The following CTNNA3 variants were observed in gnomAD, a reference collection of about 807,000 sequenced individuals.
CTNNA3 encodes the protein catenin alpha-3.
In CTNNA3, 76 loss-of-function variants were observed where a neutral mutation model predicts 95.7. The ratio of observed to expected loss-of-function variants is 0.79; its 90% CI spans 0.66 to 0.96. The LOEUF is 0.96. Ranked by LOEUF, CTNNA3 falls within the 40% of genes least tolerant of loss-of-function variation. The pLI is 0.00. For missense variants in CTNNA3, 1,191 were observed against 1,089.8 expected, an observed-to-expected ratio of 1.09 and a Z score of -1.31; for synonymous variants, 431 against 374.4, an observed-to-expected ratio of 1.15 and a Z score of -1.74.
intron 1 of CTNNA3, among the ~76,000 whole-genome samples, chr10:67,662,137 G>T (rs1469860609): frequency 6.6e-6 from 1 of 152,076 alleles, no homozygotes; most frequent in African/African-American, 2.4e-5. Flanking sequence ...ATCCTTGGGG[G>T]ATATGTTCCA....
rs553227893 is a variant in CTNNA3, at chr10:66,505,168, T to C, written c.1531+15449A>G. Among the ~76,000 whole-genome samples, 4 of 152,316 alleles carry C rather than the reference T, an allele frequency of 2.6e-5. No individual in the cohort carries two copies. In the South Asian group the frequency reaches 8.3e-4, roughly 32 times the overall value. ...AGTCCTGCAGTCTACTTATTGTTTA[T>C]TCAAATGAAAGCACCTTAAGTGAAC... On this transcript the variant is annotated intron_variant, in intron 11 of 17. Coordinates refer to ENST00000433211, the MANE Select transcript of CTNNA3 (RefSeq NM_013266.4).
chr10:67,175,922 C>T (rs1445738731), intron 7 of CTNNA3, among the ~76,000 whole-genome samples: 5 of 152,210 alleles, frequency 3.3e-5, no homozygotes, highest in Non-Finnish European at 7.4e-5. Context: ...CACAGGGCCT[C>T]GTTGCTCTGC....
intron 13 of CTNNA3, among the ~76,000 whole-genome samples, chr10:66,226,059 C>T: frequency 6.6e-6 from 1 of 152,038 alleles, no homozygotes; most frequent in Middle Eastern, 3.2e-3. Flanking sequence ...TGCACAGGAG[C>T]TCTTTAGCTT....
At chr10:66,653,467 G>A (rs561699690) in intron 9 of CTNNA3, among the ~76,000 whole-genome samples, 1 of 152,010 alleles carries the variant, frequency 6.6e-6, no homozygotes, top group South Asian at 2.1e-4. Flanking sequence ...GAAGACACAA[G>A]TAGAGTTATC....
At chr10:67,492,405 T>C (rs1025897275) in intron 5 of CTNNA3, among the ~76,000 whole-genome samples, 3 of 152,162 alleles carry the variant, frequency 2.0e-5, no homozygotes, top group Admixed American at 1.3e-4. Flanking sequence ...TAAAAAATAG[T>C]ATATACAAAC....
At chr10:67,739,247 C>T (rs1425461880) in intron 1 of CTNNA3, among the ~76,000 whole-genome samples, 2 of 152,092 alleles carry the variant, frequency 1.3e-5, no homozygotes, top group Non-Finnish European at 2.9e-5. Context: ...AGAAACTCTA[C>T]AAGTCAGAAG....
At chr10:66,321,126 G>A (rs1589082562) in intron 12 of CTNNA3, among the ~76,000 whole-genome samples, 1 of 151,888 alleles carries the variant, frequency 6.6e-6, no homozygotes, top group Non-Finnish European at 1.5e-5. Flanking sequence ...AGTTTTACAT[G>A]GTAGCCCAAG....
chr10:66,039,089 TAC>T (rs2079626328), intron 15 of CTNNA3, among the ~76,000 whole-genome samples: 1 of 152,128 alleles, frequency 6.6e-6, no homozygotes, highest in South Asian at 2.1e-4. Context: ...CTAGCATTCT[TAC>T]ACACCAACAA....
At chr10:66,004,742 C>A (rs562101550) in intron 15 of CTNNA3, among the ~76,000 whole-genome samples, 44 of 152,284 alleles carry the variant, frequency 2.9e-4, no homozygotes, top group Middle Eastern at 3.4e-3. Flanking sequence ...TTGCATCACC[C>A]TAAGGAGAAA....
intron 7 of CTNNA3, among the ~76,000 whole-genome samples, chr10:66,798,790 A>G (rs532178339): frequency 6.6e-6 from 1 of 151,728 alleles, no homozygotes; most frequent in South Asian, 2.1e-4. Context: ...TAGAGGTAAA[A>G]AGTAACATTT....
intron 14 of CTNNA3, among the ~76,000 whole-genome samples, chr10:66,099,702 C>T (rs370692121): frequency 6.6e-6 from 1 of 152,118 alleles, no homozygotes; most frequent in Non-Finnish European, 1.5e-5. Context: ...AATAATTTCT[C>T]TTCAAAATTT....
At chr10:67,540,053 CA>C (rs1316565718) in intron 3 of CTNNA3, among the ~76,000 whole-genome samples, 3 of 152,032 alleles carry the variant, frequency 2.0e-5, no homozygotes, top group African/African-American at 7.2e-5. Context: ...CTTTCCAAAT[CA>C]ATGGATGTTA....
At chr10:66,983,452 A>G (rs941093588) in intron 7 of CTNNA3, among the ~76,000 whole-genome samples, 1 of 152,134 alleles carries the variant, frequency 6.6e-6, no homozygotes, top group African/African-American at 2.4e-5. Flanking sequence ...GGAAAAGAAC[A>G]AGAAACCCAC....
intron 9 of CTNNA3, among the ~76,000 whole-genome samples, chr10:66,659,364 G>A (rs1312834804): frequency 6.6e-6 from 1 of 151,230 alleles, no homozygotes; most frequent in Non-Finnish European, 1.5e-5. Context: ...GTATAAGTGA[G>A]GAAGAGAACC....
At chr10:67,422,316 T>A (rs1845773782) in intron 5 of CTNNA3, among the ~76,000 whole-genome samples, 1 of 152,114 alleles carries the variant, frequency 6.6e-6, no homozygotes, top group Non-Finnish European at 1.5e-5. Context: ...ATAACGTATG[T>A]AAGGGTAAAG....
chr10:66,511,764 T>A (rs1840670898), intron 11 of CTNNA3, among the ~76,000 whole-genome samples: 1 of 151,822 alleles, frequency 6.6e-6, no homozygotes, highest in Non-Finnish European at 1.5e-5. Flanking sequence ...TTATTTAGAG[T>A]TGTTTTGGGC....
rs760076742 is a variant in CTNNA3 at position 66,927,731 on chromosome 10, G to A, written c.1048-152207C>T. The A allele has an allele frequency of 6.2e-7, 1 of 1,614,170 alleles. No homozygotes were observed. The highest frequency in any genetic ancestry group is 8.5e-7 in the Non-Finnish European group (1 of 1,180,024). ...GAGATCGAAGCTTTCAGTGGACCCA[G>A]TGTTTTCCAGTGTGTCCCGAATCTG... On this transcript the variant is annotated intron_variant, in intron 7 of 17. Coordinates refer to ENST00000433211, the MANE Select transcript of CTNNA3 (RefSeq NM_013266.4). This position sits in a 1 kb window ranked among gnomAD's most constrained non-coding sequence, Gnocchi z 4.7.
At chr10:67,277,878 AC>A (rs1839247153) in intron 5 of CTNNA3, among the ~76,000 whole-genome samples, 1 of 152,126 alleles carries the variant, frequency 6.6e-6, no homozygotes, top group South Asian at 2.1e-4. Context: ...GGAATTGCCC[AC>A]CCCTTTCCCA....
At chr10:67,591,225 TGTCTA>T (rs1268923354) in intron 3 of CTNNA3, among the ~76,000 whole-genome samples, 1 of 152,126 alleles carries the variant, frequency 6.6e-6, no homozygotes, top group Non-Finnish European at 1.5e-5. Context: ...TAGGAAGAAA[TGTCTA>T]GCCAACATTC....
Sources: gnomAD v4.1 joint callset for allele counts (sites outside exome capture counted in the v4.1 genomes callset) on GRCh38, gnomAD v4.1.1 for gene constraint, Gnocchi (gnomAD v3.1) non-coding constraint, MANE v1.5 for transcripts, NCBI Gene and HGNC (gene_info 2026-07-23, HGNC 2026-07-21) for gene names.